The following CSMD1 variants were observed in gnomAD, a reference collection of about 807,000 sequenced individuals.
The protein encoded by CSMD1 is CUB and sushi domain-containing protein 1.
A neutral mutation model predicts 417.5 loss-of-function variants in CSMD1; 213 were observed. The observed-to-expected ratio is 0.51, with a 90% CI of 0.46 to 0.57. The LOEUF (loss-of-function observed/expected upper bound fraction) is 0.57. Ranked by LOEUF, CSMD1 falls within the 20% of genes least tolerant of loss-of-function variation. CSMD1 has a pLI of 0.00. For synonymous variants in CSMD1, 2,862 were observed against 1,736.8 expected, an observed-to-expected ratio of 1.65 and a Z score of -16.11; for missense variants, 6,923 against 4,529.7, an observed-to-expected ratio of 1.53 and a Z score of -15.17.
chr8:4,250,675 T>C (rs952671586), intron 3 of CSMD1, among the ~76,000 whole-genome samples: 6 of 152,220 alleles, frequency 3.9e-5, no homozygotes, highest in Non-Finnish European at 8.8e-5. Context: ...GTTATAATTT[T>C]ATGTCTCAGC....
chr8:4,009,516 C>T (rs965149565), intron 4 of CSMD1, among the ~76,000 whole-genome samples: 2 of 152,158 alleles, frequency 1.3e-5, no homozygotes, highest in Admixed American at 6.5e-5. Flanking sequence ...TTATAATATT[C>T]CTTCAGTGAA....
chr8:3,827,345 T>TA (rs1802113548), intron 5 of CSMD1, among the ~76,000 whole-genome samples: 1 of 152,214 alleles, frequency 6.6e-6, no homozygotes, highest in Non-Finnish European at 1.5e-5. Flanking sequence ...TTAATAACTA[T>TA]AGACAACAAT....
intron 5 of CSMD1, among the ~76,000 whole-genome samples, chr8:3,823,448 A>C (rs1801859738): frequency 1.3e-5 from 2 of 152,160 alleles, no homozygotes; most frequent in Admixed American, 1.3e-4. Flanking sequence ...AGGAAGTATA[A>C]AACGTTTGCA....
intron 1 of CSMD1, among the ~76,000 whole-genome samples, chr8:4,733,741 G>A (rs1171940586): frequency 6.6e-6 from 1 of 152,150 alleles, no homozygotes; most frequent in Admixed American, 6.5e-5. Context: ...ACCCATGAAA[G>A]TAAAACTGGT....
chr8:3,898,766 T>C (rs140863999), intron 5 of CSMD1, among the ~76,000 whole-genome samples: 2,412 of 152,254 alleles, frequency 0.016, 31 homozygotes, highest in Non-Finnish European at 0.026. Flanking sequence ...GTATATATAT[T>C]TGAGGAAGAC....
At chr8:4,551,987 G>A (rs1391137181) in intron 2 of CSMD1, among the ~76,000 whole-genome samples, 1 of 151,564 alleles carries the variant, frequency 6.6e-6, no homozygotes, top group Non-Finnish European at 1.5e-5. Flanking sequence ...GCTCCTAGCT[G>A]GTCACATTCT....
chr8:4,406,783 G>C (rs369397516), intron 3 of CSMD1, among the ~76,000 whole-genome samples: 1 of 152,168 alleles, frequency 6.6e-6, no homozygotes, highest in Admixed American at 6.5e-5. Flanking sequence ...GAACTCCTGA[G>C]TCATCTGGTG....
At position 3,483,276 on chromosome 8, in the gene CSMD1, C is replaced by G. The variant is rs555481407; in HGVS notation, c.1448+10347G>C. On this transcript the variant is annotated intron_variant, in intron 11 of 69. Coordinates refer to ENST00000635120, the MANE Select transcript of CSMD1 (RefSeq NM_033225.6). ...AGAGAGAGATAGAAGGGAACAATTA[C>G]AAATACCAGAAATAAAATAGAGGCT... Among the ~76,000 whole-genome samples, 4 of 151,938 alleles carry G rather than the reference C, an allele frequency of 2.6e-5. No homozygotes were observed. The East Asian group carries it at 7.7e-4, about 29-fold the overall frequency.
intron 7 of CSMD1, among the ~76,000 whole-genome samples, chr8:3,693,645 T>C (rs954227267): frequency 8.5e-5 from 13 of 152,196 alleles, no homozygotes; most frequent in Non-Finnish European, 1.3e-4. Flanking sequence ...AATGTGTACA[T>C]ATATGTAGTT....
At chr8:4,624,942 C>A (rs776128486) in intron 2 of CSMD1, among the ~76,000 whole-genome samples, 1 of 152,156 alleles carries the variant, frequency 6.6e-6, no homozygotes, top group African/African-American at 2.4e-5. Context: ...TAGAGAACAG[C>A]AGTTTTCATA....
At chr8:4,461,806 T>A (rs1196938402) in intron 2 of CSMD1, among the ~76,000 whole-genome samples, 2 of 148,862 alleles carry the variant, frequency 1.3e-5, no homozygotes, top group African/African-American at 5.0e-5. Flanking sequence ...AGTAGTACGA[T>A]CTCAGCTCAC....
At chr8:4,841,126 C>T (rs968967300) in intron 1 of CSMD1, among the ~76,000 whole-genome samples, 1 of 152,292 alleles carries the variant, frequency 6.6e-6, no homozygotes, top group Admixed American at 6.5e-5. Context: ...ATTGGTATTA[C>T]AATCTTTATT....
At chr8:3,493,859 T>A (rs1772636242) in intron 10 of CSMD1, 133 bp from the exon 11 acceptor site, 1 of 600,664 alleles carries the variant, frequency 1.7e-6, no homozygotes, top group Admixed American at 3.1e-5. Flanking sequence ...CCAGAGCTGC[T>A]TTAAGTAGTT....
intron 2 of CSMD1, among the ~76,000 whole-genome samples, chr8:4,454,387 T>G (rs1397442438): frequency 2.0e-5 from 3 of 152,210 alleles, no homozygotes; most frequent in African/African-American, 7.2e-5. Context: ...ATTTTCAAAA[T>G]TTGGCTCTGG....
At chr8:4,385,172 C>A (rs1416695353) in intron 3 of CSMD1, among the ~76,000 whole-genome samples, 1 of 4,846 alleles carries the variant, frequency 2.1e-4, no homozygotes, top group Non-Finnish European at 4.7e-4. Context: ...GGTGATCCTC[C>A]CCGTCTCGGC....
At position 3,106,302 on chromosome 8, in the gene CSMD1, C is replaced by A. The variant is rs189155805; in HGVS notation, c.6949+226G>T. Reference sequence around the variant, plus strand: ...GTCCCAGTTACTCAGGAGGCTGAGGCAGGAGGATCACCTGAGACCAGGGAG... The same window carrying A: ...GTCCCAGTTACTCAGGAGGCTGAGGAAGGAGGATCACCTGAGACCAGGGAG... On this transcript the variant is annotated intron_variant, in intron 46 of 69. Coordinates refer to ENST00000635120, the MANE Select transcript of CSMD1 (RefSeq NM_033225.6). Among the ~76,000 whole-genome samples, 752 of 151,656 alleles carry A rather than the reference C, an allele frequency of 5.0e-3. 6 individuals are homozygous for A. The highest frequency in any genetic ancestry group is 0.017 in the African/African-American group (697 of 41,352).
intron 5 of CSMD1, among the ~76,000 whole-genome samples, chr8:3,934,334 A>C (rs533964930): frequency 2.0e-5 from 3 of 152,334 alleles, no homozygotes; most frequent in East Asian, 1.9e-4. Flanking sequence ...AATAGTTAAC[A>C]CGTACAAAAA....
At chr8:3,051,946 C>T (rs948198958) in intron 50 of CSMD1, among the ~76,000 whole-genome samples, 6 of 152,090 alleles carry the variant, frequency 3.9e-5, no homozygotes, top group African/African-American at 7.2e-5. Context: ...ATAGCTTTCT[C>T]GAAAACTTAC....
intron 3 of CSMD1, among the ~76,000 whole-genome samples, chr8:4,143,502 C>A (rs1337211295): frequency 2.7e-5 from 4 of 149,982 alleles, no homozygotes; most frequent in Middle Eastern, 3.2e-3. Flanking sequence ...GCTGGTTAAA[C>A]TAAAGAAGAA....
Sources: gnomAD v4.1 joint callset for allele counts (sites outside exome capture counted in the v4.1 genomes callset) on GRCh38, gnomAD v4.1.1 for gene constraint, MANE v1.5 for transcripts, NCBI Gene and HGNC (gene_info 2026-07-23, HGNC 2026-07-21) for gene names.